SNX25: variants seen among roughly 807,000 people sequenced by gnomAD.
The protein encoded by SNX25 is sorting nexin-25.
SNX25 carries 62 observed loss-of-function variants against 113.7 expected under a neutral mutation model. That is an observed-to-expected ratio of 0.55 (90% CI 0.44 to 0.67). SNX25 has a LOEUF of 0.67. Among genes scored for constraint, SNX25 ranks in the 30% least tolerant of loss-of-function variants. The pLI is 0.00. For synonymous variants in SNX25, 421 were observed against 436.2 expected, an observed-to-expected ratio of 0.97 and a Z score of 0.43; for missense variants, 1,014 against 1,161.0, an observed-to-expected ratio of 0.87 and a Z score of 1.84.
chr4:185,322,354 C>T (rs2095126847), intron 8 of SNX25, among the ~76,000 whole-genome samples: 1 of 152,090 alleles, frequency 6.6e-6, no homozygotes, highest in African/African-American at 2.4e-5. Context: ...TTGCTTGAAC[C>T]TGGGAAGGTG....
intron 1 of SNX25, among the ~76,000 whole-genome samples, chr4:185,237,988 A>G (rs1013611399): frequency 6.3e-5 from 9 of 142,998 alleles, no homozygotes; most frequent in African/African-American, 2.3e-4. Context: ...ACTTGAACTC[A>G]GGAGGCGGAG....
At chr4:185,238,979 C>T (rs550026423) in intron 1 of SNX25, among the ~76,000 whole-genome samples, 1 of 152,094 alleles carries the variant, frequency 6.6e-6, no homozygotes, top group African/African-American at 2.4e-5. Flanking sequence ...TCAGTTGCTT[C>T]TGGTGTGAGT....
At chr4:185,244,305 A>G (rs1341335408) in intron 1 of SNX25, among the ~76,000 whole-genome samples, 1 of 152,200 alleles carries the variant, frequency 6.6e-6, no homozygotes, top group Non-Finnish European at 1.5e-5. Flanking sequence ...GAACTTCTTC[A>G]ATAAGTTTTT....
At chr4:185,370,371 G>T (rs2095410807), downstream of SNX25, among the ~76,000 whole-genome samples, 1 of 152,126 alleles carries the variant, frequency 6.6e-6, no homozygotes, top group Non-Finnish European at 1.5e-5. Flanking sequence ...TAAGGTCTTG[G>T]TGCTGGGCCT....
At chr4:185,301,388 T>TA (rs1753653499) in intron 6 of SNX25, among the ~76,000 whole-genome samples, 1 of 152,172 alleles carries the variant, frequency 6.6e-6, no homozygotes, top group South Asian at 2.1e-4. Flanking sequence ...GACTTTTTTT[T>TA]TATTACCTTT....
At chr4:185,274,122 G>A (rs1201201581) in intron 5 of SNX25, among the ~76,000 whole-genome samples, 3 of 151,164 alleles carry the variant, frequency 2.0e-5, no homozygotes, top group African/African-American at 7.3e-5. Context: ...ATGCAGTGGC[G>A]CAATCTCAGC....
rs563043224 is a variant in SNX25 at position 185,247,299 on chromosome 4, T to C, written c.435T>C (p.Pro145=). The stretch of plus-strand genomic sequence containing the variant: ...TTTTTTTCCTTTCATTTCAGAGTCC[T>C]GTGTATGGAAACTCACATGAGTCAG... ...TSAARRPPGS[P]VYGNSHESAQ... Residue 145 remains proline, a synonymous_variant, in exon 2 of 19, where the codon CCT becomes CCC. Transcript: ENST00000652585. The C allele has an allele frequency of 1.9e-6, 3 of 1,596,534 alleles. No homozygotes were observed. The African/African-American group carries it at 4.1e-5, about 22-fold the overall frequency.
intron 6 of SNX25, among the ~76,000 whole-genome samples, chr4:185,300,435 T>C (rs1753486089): frequency 6.6e-6 from 1 of 151,696 alleles, no homozygotes; most frequent in Admixed American, 6.6e-5. Flanking sequence ...TCCCAAATGC[T>C]GGGATTACAG....
chr4:185,249,045 GT>G (rs1245772839), intron 2 of SNX25, among the ~76,000 whole-genome samples: 1 of 152,158 alleles, frequency 6.6e-6, no homozygotes, highest in Admixed American at 6.5e-5. Context: ...ATGACAATAT[GT>G]TTACCCTTTC....
At chr4:185,300,756 A>G (rs952403755) in intron 6 of SNX25, among the ~76,000 whole-genome samples, 11 of 151,652 alleles carry the variant, frequency 7.3e-5, no homozygotes, top group African/African-American at 2.7e-4. Context: ...TGGTATTACA[A>G]AGTGGAACCT....
chr4:185,349,133 TG>T (rs2095303097), intron 13 of SNX25, among the ~76,000 whole-genome samples: 1 of 152,164 alleles, frequency 6.6e-6, no homozygotes, highest in Admixed American at 6.5e-5. Flanking sequence ...AGGATTGTCT[TG>T]GGCCACACAT....
At chr4:185,325,828 C>A (rs959637817) in intron 9 of SNX25, among the ~76,000 whole-genome samples, 2 of 152,148 alleles carry the variant, frequency 1.3e-5, no homozygotes, top group African/African-American at 4.8e-5. Flanking sequence ...TTACTCATCA[C>A]AGATCAGAAA....
intron 6 of SNX25, among the ~76,000 whole-genome samples, chr4:185,308,866 C>A (rs886662409): frequency 6.6e-6 from 1 of 152,146 alleles, no homozygotes; most frequent in Non-Finnish European, 1.5e-5. Context: ...TTTCCGAACT[C>A]TAGACCTTCT....
At chr4:185,362,799 C>A in intron 18 of SNX25, 88 bp downstream of exon 18, 1 of 907,012 alleles carries the variant, frequency 1.1e-6, no homozygotes, top group Non-Finnish European at 1.8e-6. Context: ...CCAGTGGCTG[C>A]AGCACTCTCA....
At chr4:185,229,274 A>C (rs1741472347) in intron 1 of SNX25, among the ~76,000 whole-genome samples, 1 of 152,110 alleles carries the variant, frequency 6.6e-6, no homozygotes, top group Non-Finnish European at 1.5e-5. Flanking sequence ...GGAAGCTGAG[A>C]GCTTGGAGAG....
intron 1 of SNX25, among the ~76,000 whole-genome samples, chr4:185,240,676 G>A (rs1420137546): frequency 4.0e-5 from 6 of 151,500 alleles, no homozygotes; most frequent in Admixed American, 2.0e-4. Context: ...CCTTCCGGAC[G>A]GGGCGGCTGC....
chr4:185,362,729 C>A lies in SNX25; in HGVS notation c.2934+18C>A. On this transcript the variant is annotated intron_variant, in intron 18 of 18. Coordinates refer to ENST00000652585, the MANE Select transcript of SNX25 (RefSeq NM_001378034.2). ...TGTTATATGTGAGTAAATTAAAGCC[C>A]AGGGGGTTTCCTGCTTTATTTTTGT... 1 of 1,592,412 alleles carries A rather than the reference C, an allele frequency of 6.3e-7. No homozygotes were observed. Among genetic ancestry groups the A allele is most frequent in the Non-Finnish European group, 8.6e-7 (1 of 1,163,590 alleles).
At chr4:185,264,337 A>G (rs1747745768) in intron 3 of SNX25, 101 bp from the exon 4 acceptor site, 2 of 1,150,788 alleles carry the variant, frequency 1.7e-6, no homozygotes, top group East Asian at 2.4e-5. Flanking sequence ...GGCAGTTACT[A>G]TAACCAATGT....
intron 1 of SNX25, among the ~76,000 whole-genome samples, chr4:185,246,285 T>A (rs977348912): frequency 5.9e-5 from 9 of 152,116 alleles, no homozygotes; most frequent in Non-Finnish European, 1.2e-4. Flanking sequence ...CATGTGAGAC[T>A]CAAAAAAGTC....
Sources: allele counts gnomAD v4.1 joint callset (sites outside exome capture counted in the v4.1 genomes callset), GRCh38; gene constraint gnomAD v4.1.1; transcripts MANE v1.5; gene names NCBI Gene and HGNC (gene_info 2026-07-23, HGNC 2026-07-21).